NUCB2: variants seen among roughly 807,000 people sequenced by gnomAD.
NUCB2 encodes the protein nucleobindin 2.
A neutral mutation model predicts 57.9 loss-of-function variants in NUCB2; 48 were observed. The observed-to-expected ratio is 0.83, with a 90% CI of 0.66 to 1.05. NUCB2 has a LOEUF of 1.05. NUCB2 is among the 50% of genes least tolerant of loss of function. The probability of loss-of-function intolerance (pLI) is 0.00; values close to 1 mark genes in which losing one functional copy is unlikely to be tolerated. For synonymous variants in NUCB2, 139 were observed against 152.1 expected (o/e 0.91, Z 0.64); for missense variants, 442 against 476.2 (o/e 0.93, Z 0.67).
At chr11:17,315,854 C>A (rs1046370186) in intron 11 of NUCB2, among the ~76,000 whole-genome samples, 6 of 151,990 alleles carry the variant, frequency 3.9e-5, no homozygotes, top group African/African-American at 1.4e-4. Flanking sequence ...GAATGGTATG[C>A]AGTTTGTATA....
intron 2 of NUCB2, among the ~76,000 whole-genome samples, chr11:17,285,312 C>T (rs1463826927): frequency 6.0e-5 from 9 of 150,576 alleles, no homozygotes; most frequent in Admixed American, 1.3e-4. Flanking sequence ...AGGTGGCTCA[C>T]GCCTATAATC....
intron 13 of NUCB2, 71 bp downstream of exon 13, chr11:17,331,054 C>A: frequency 2.0e-6 from 2 of 982,458 alleles, no homozygotes; most frequent in Non-Finnish European, 3.1e-6. Flanking sequence ...ACATTTATTA[C>A]AAATATAATT....
chr11:17,294,062 C>T (rs1362692066), intron 2 of NUCB2, among the ~76,000 whole-genome samples: 1 of 152,002 alleles, frequency 6.6e-6, no homozygotes. Context: ...CTCAAAAAAC[C>T]CAAAATGCAC....
At chr11:17,284,053 G>A (rs214069) in intron 2 of NUCB2, among the ~76,000 whole-genome samples, 70,363 of 151,834 alleles carry the variant, frequency 0.46, 16,913 homozygotes, top group East Asian at 0.8. Context: ...TGTTGAGACG[G>A]AGTCTCACTC....
intron 6 of NUCB2, 59 bp downstream of exon 6, chr11:17,309,734 C>A: frequency 2.0e-6 from 2 of 981,622 alleles, no homozygotes; most frequent in Non-Finnish European, 3.1e-6. Flanking sequence ...TGTAATTTGA[C>A]AAGTAAACCC....
intron 2 of NUCB2, among the ~76,000 whole-genome samples, chr11:17,290,778 G>C (rs1194510157): frequency 6.6e-6 from 1 of 151,942 alleles, no homozygotes; most frequent in African/African-American, 2.4e-5. Flanking sequence ...CATAGAAAAT[G>C]GGATAATTTT....
intron 2 of NUCB2, among the ~76,000 whole-genome samples, chr11:17,290,099 T>C (rs1349828111): frequency 2.0e-5 from 3 of 152,236 alleles, no homozygotes; most frequent in Non-Finnish European, 4.4e-5. Context: ...TACTTGCAGG[T>C]ATCTTCCTGT....
chr11:17,322,964 T>A (rs746634005), intron 11 of NUCB2, among the ~76,000 whole-genome samples: 4 of 152,066 alleles, frequency 2.6e-5, no homozygotes, highest in Non-Finnish European at 5.9e-5. Flanking sequence ...TCGGTTCTAA[T>A]AGTTTTTTTT....
At chr11:17,294,891 A>G (rs958755990) in intron 2 of NUCB2, among the ~76,000 whole-genome samples, 4 of 152,088 alleles carry the variant, frequency 2.6e-5, no homozygotes, top group Admixed American at 6.6e-5. Flanking sequence ...TCTACTAAAA[A>G]TACAAAATTA....
intron 2 of NUCB2, among the ~76,000 whole-genome samples, chr11:17,340,574 C>T (rs1223360054): frequency 6.6e-6 from 1 of 152,036 alleles, no homozygotes; most frequent in Non-Finnish European, 1.5e-5. Context: ...ATATGGCTAG[C>T]CAGTTTTCCC....
chr11:17,319,579 T>G (rs1286644429), intron 11 of NUCB2, among the ~76,000 whole-genome samples: 2 of 152,204 alleles, frequency 1.3e-5, no homozygotes, highest in East Asian at 1.9e-4. Context: ...TATGTACATA[T>G]GTACACACAT....
intron 5 of NUCB2, among the ~76,000 whole-genome samples, chr11:17,302,903 TA>T (rs1946987920): frequency 6.6e-6 from 1 of 152,116 alleles, no homozygotes; most frequent in Non-Finnish European, 1.5e-5. Flanking sequence ...CACACCCAGC[TA>T]ATTTTTTGTA....
At chr11:17,319,012 A>G (rs1365280928) in intron 11 of NUCB2, among the ~76,000 whole-genome samples, 1 of 150,900 alleles carries the variant, frequency 6.6e-6, no homozygotes, top group African/African-American at 2.4e-5. Flanking sequence ...CTCTAAAAAG[A>G]AAAAAAAAAT....
chr11:17,287,829 A>G (rs1186044044), intron 2 of NUCB2, among the ~76,000 whole-genome samples: 2 of 151,880 alleles, frequency 1.3e-5, no homozygotes, highest in Non-Finnish European at 2.9e-5. Flanking sequence ...GTGAAACCCA[A>G]TCTCTACTAA....
At position 17,330,795 on chromosome 11, in the gene NUCB2, C is replaced by T. The variant is rs182963513; in HGVS notation, c.1174-107C>T. 1 of 763,462 alleles carries T rather than the reference C, an allele frequency of 1.3e-6. No homozygotes were observed. The highest frequency in any genetic ancestry group is 2.1e-5 in the Admixed American group (1 of 46,640). 47.3% of individuals were successfully genotyped at this position (763,462 alleles called of 1,614,324 possible). On this transcript the variant is annotated intron_variant, in intron 12 of 13. Coordinates refer to ENST00000529010, the MANE Select transcript of NUCB2 (RefSeq NM_005013.4). The surrounding 1 kb of genome is among the most constrained non-coding windows in gnomAD (Gnocchi z 4.3). ...AATCTAAATCTTATAGTTTGAATAT[C>T]TTTGTTTTAGAAAACAATTTTCATT...
At chr11:17,344,541 T>C (rs558235857) in intron 2 of NUCB2, among the ~76,000 whole-genome samples, 1 of 152,328 alleles carries the variant, frequency 6.6e-6, no homozygotes, top group South Asian at 2.1e-4. Flanking sequence ...TTGAGGCATG[T>C]AAGAGGTCCT....
intron 1 of NUCB2, among the ~76,000 whole-genome samples, chr11:17,279,282 T>A (rs900973542): frequency 3.3e-5 from 5 of 152,122 alleles, no homozygotes; most frequent in African/African-American, 9.7e-5. Flanking sequence ...CAATCAAAAA[T>A]TTTTTTTACA....
rs918501591 is a variant in NUCB2, at chr11:17,330,721, G to C, written c.1174-181G>C. Among the ~76,000 whole-genome samples, 2 of 152,152 alleles carry C rather than the reference G, an allele frequency of 1.3e-5. No homozygotes were observed. Among genetic ancestry groups the C allele is most frequent in the African/African-American group, 2.4e-5 (1 of 41,422 alleles). ...TGGCCTTAAGTGATCTTCCCACCTGGGCCTCTGAAATTGTTGGGACTATAG... is the reference window on the plus strand; with the variant it reads ...TGGCCTTAAGTGATCTTCCCACCTGCGCCTCTGAAATTGTTGGGACTATAG... On this transcript the variant is annotated intron_variant, in intron 12 of 13. Coordinates refer to ENST00000529010, the MANE Select transcript of NUCB2 (RefSeq NM_005013.4). This position sits in a 1 kb window ranked among gnomAD's most constrained non-coding sequence, Gnocchi z 4.3.
At chr11:17,328,562 C>G (rs1167575082) in intron 11 of NUCB2, among the ~76,000 whole-genome samples, 1 of 152,150 alleles carries the variant, frequency 6.6e-6, no homozygotes, top group Non-Finnish European at 1.5e-5. Context: ...GGCAGAGGAC[C>G]CTCTCCCTGT....
Sources: allele counts gnomAD v4.1 joint callset (sites outside exome capture counted in the v4.1 genomes callset), GRCh38; gene constraint gnomAD v4.1.1; non-coding constraint Gnocchi (gnomAD v3.1); transcripts MANE v1.5; gene names NCBI Gene and HGNC (gene_info 2026-07-23, HGNC 2026-07-21).